Variants in GPC5 observed in about 807,000 individuals in gnomAD.
GPC5 encodes the protein glypican-5.
GPC5 carries 47 observed loss-of-function variants against 53.9 expected under a neutral mutation model. The observed-to-expected ratio is 0.87, with a 90% CI of 0.69 to 1.11. GPC5 has a LOEUF of 1.11. Ranked by LOEUF, GPC5 falls within the 50% of genes most tolerant of loss-of-function variation. GPC5 has a pLI of 0.00. For synonymous variants in GPC5, 286 were observed against 263.3 expected (o/e 1.09, Z -0.84); for missense variants, 748 against 713.1 (o/e 1.05, Z -0.56).
intron 7 of GPC5, among the ~76,000 whole-genome samples, chr13:92,673,593 C>T (rs1278838080): frequency 6.6e-6 from 1 of 152,130 alleles, no homozygotes; most frequent in African/African-American, 2.4e-5. Context: ...GTGTTCTATT[C>T]GTTTGTTTTT....
At chr13:91,521,254 T>C (rs1885801296) in intron 2 of GPC5, among the ~76,000 whole-genome samples, 1 of 152,202 alleles carries the variant, frequency 6.6e-6, no homozygotes, top group Admixed American at 6.5e-5. Flanking sequence ...GAAAATGTAA[T>C]GTAAAACACC....
intron 5 of GPC5, among the ~76,000 whole-genome samples, chr13:91,905,041 G>A (rs1486372370): frequency 6.6e-6 from 1 of 151,994 alleles, no homozygotes; most frequent in South Asian, 2.1e-4. Flanking sequence ...GTACTTTGAG[G>A]TCTATGAGTT....
At chr13:92,287,160 A>G (rs2139178166) in intron 7 of GPC5, among the ~76,000 whole-genome samples, 1 of 152,256 alleles carries the variant, frequency 6.6e-6, no homozygotes, top group Non-Finnish European at 1.5e-5. Context: ...CTTAATTTTC[A>G]TATGTTTTTG....
At chr13:91,699,454 C>T (rs1158847612) in intron 3 of GPC5, among the ~76,000 whole-genome samples, 5 of 152,194 alleles carry the variant, frequency 3.3e-5, no homozygotes, top group Non-Finnish European at 7.3e-5. Flanking sequence ...AAATGCAATA[C>T]ATTCTACAGT....
chr13:91,791,948 C>G (rs534045396), intron 5 of GPC5, among the ~76,000 whole-genome samples: 1 of 152,268 alleles, frequency 6.6e-6, no homozygotes, highest in South Asian at 2.1e-4. Context: ...AAGCTTGATT[C>G]TAATAGTACT....
intron 6 of GPC5, among the ~76,000 whole-genome samples, chr13:92,141,515 C>A (rs2041830400): frequency 6.6e-6 from 1 of 152,138 alleles, no homozygotes; most frequent in African/African-American, 2.4e-5. Context: ...ACCTCTCATT[C>A]TGAGAAACAT....
At chr13:92,218,693 G>A (rs76489880) in intron 7 of GPC5, among the ~76,000 whole-genome samples, 5,921 of 152,150 alleles carry the variant, frequency 0.039, 393 homozygotes, top group African/African-American at 0.13. Context: ...ATAAAAATCA[G>A]CAACATTTTT....
chr13:92,298,189 C>A (rs1468458996), intron 7 of GPC5, among the ~76,000 whole-genome samples: 1 of 152,156 alleles, frequency 6.6e-6, no homozygotes, highest in Non-Finnish European at 1.5e-5. Context: ...GCCCACAGCA[C>A]CCAGTCTGTT....
chr13:91,549,776 G>A (rs2138813216), intron 2 of GPC5, among the ~76,000 whole-genome samples: 1 of 152,264 alleles, frequency 6.6e-6, no homozygotes, highest in East Asian at 1.9e-4. Context: ...GCTGGTGAGG[G>A]TGTGGACCAA....
chr13:91,801,513 A>C (rs1052312695), intron 5 of GPC5, among the ~76,000 whole-genome samples: 4 of 152,150 alleles, frequency 2.6e-5, no homozygotes, highest in Non-Finnish European at 5.9e-5. Context: ...TCAAAGAAAT[A>C]CATCTTTGAA....
At chr13:92,693,223 C>CT (rs1156390246) in intron 7 of GPC5, among the ~76,000 whole-genome samples, 1 of 152,000 alleles carries the variant, frequency 6.6e-6, no homozygotes, top group Non-Finnish European at 1.5e-5. Context: ...GTGAAATGGA[C>CT]TAATATAGGA....
At chr13:92,516,528 AAAG>A (rs759186971) in intron 7 of GPC5, among the ~76,000 whole-genome samples, 9 of 152,200 alleles carry the variant, frequency 5.9e-5, no homozygotes, top group Admixed American at 3.3e-4. Context: ...AAATTTGAAG[AAAG>A]AAGTATTAGG....
chr13:91,871,964 G>A (rs1260604745), intron 5 of GPC5, among the ~76,000 whole-genome samples: 4 of 152,166 alleles, frequency 2.6e-5, no homozygotes, highest in African/African-American at 4.8e-5. Context: ...GCAAAATTGC[G>A]GTGGAAAGAT....
intron 7 of GPC5, among the ~76,000 whole-genome samples, chr13:92,289,548 A>G (rs550452049): frequency 1.3e-5 from 2 of 152,118 alleles, no homozygotes; most frequent in South Asian, 4.1e-4. Flanking sequence ...TTTCTTTACC[A>G]TATATACTGC....
chr13:92,677,162 A>AT (rs1453091357), intron 7 of GPC5, among the ~76,000 whole-genome samples: 2 of 152,156 alleles, frequency 1.3e-5, no homozygotes, highest in Non-Finnish European at 2.9e-5. Flanking sequence ...TAATTTTACA[A>AT]TTTTTTCTTA....
intron 7 of GPC5, among the ~76,000 whole-genome samples, chr13:92,199,517 G>C (rs987003775): frequency 6.6e-6 from 1 of 151,984 alleles, no homozygotes; most frequent in African/African-American, 2.4e-5. Flanking sequence ...TTTAAAGTAG[G>C]TTCCATCATT....
chr13:91,624,867 A>G (rs894946183), intron 2 of GPC5, among the ~76,000 whole-genome samples: 2 of 151,896 alleles, frequency 1.3e-5, no homozygotes, highest in African/African-American at 4.8e-5. Flanking sequence ...AGAATACTTT[A>G]TATAACCAAA....
chr13:91,752,909 T>TA (rs1375144323), intron 4 of GPC5, among the ~76,000 whole-genome samples: 2 of 152,198 alleles, frequency 1.3e-5, no homozygotes, highest in African/African-American at 4.8e-5. Flanking sequence ...TGCATTTTGG[T>TA]AAAATCCTCA....
rs148582841 is a variant in GPC5 at position 91,974,128 on chromosome 13, C to G, written c.1401+66071C>G. ...AGGCCTCCTTGAGCTGTGGTGGGCT[C>G]AGAGCTATCTATGACAAACCCACAG... On this transcript the variant is annotated intron_variant, in intron 6 of 7. Coordinates refer to ENST00000377067, the MANE Select transcript of GPC5 (RefSeq NM_004466.6). Among the ~76,000 whole-genome samples the G allele has an allele frequency of 7.7e-3, 1,169 of 152,168 alleles. 5 individuals carry two copies. Among genetic ancestry groups the G allele is most frequent in the South Asian group, 0.018 (86 of 4,820 alleles).
Sources: gnomAD v4.1 joint callset for allele counts (sites outside exome capture counted in the v4.1 genomes callset) on GRCh38, gnomAD v4.1.1 for gene constraint, MANE v1.5 for transcripts, NCBI Gene and HGNC (gene_info 2026-07-23, HGNC 2026-07-21) for gene names.